Variants in COL6A5 observed in about 807,000 individuals in gnomAD.
COL6A5 encodes the protein collagen alpha-5(VI) chain.
COL6A5 carries 48 observed loss-of-function variants against 65.6 expected under a neutral mutation model. The observed-to-expected ratio is 0.73, with a 90% CI of 0.58 to 0.93. The LOEUF (loss-of-function observed/expected upper bound fraction) is 0.93. COL6A5 is among the 40% of genes least tolerant of loss of function. The pLI is 0.00. For synonymous variants in COL6A5, 291 were observed against 322.8 expected, an observed-to-expected ratio of 0.90 and a Z score of 1.05; for missense variants, 914 against 928.3, an observed-to-expected ratio of 0.98 and a Z score of 0.20.
At chr3:130,452,202 C>T (rs540780723) in intron 4 of COL6A5, among the ~76,000 whole-genome samples, 21 of 152,230 alleles carry the variant, frequency 1.4e-4, no homozygotes, top group East Asian at 1.9e-4. Context: ...GAGTCGAACA[C>T]GTGTTTCTGT....
intron 1 of COL6A5, among the ~76,000 whole-genome samples, chr3:130,361,662 A>C (rs888537366): frequency 6.6e-6 from 1 of 152,078 alleles, no homozygotes. Flanking sequence ...TGTCTTCCAA[A>C]GTGGCTGTGC....
At chr3:130,355,684 TGAATG>T (rs1934898392) in intron 1 of COL6A5, among the ~76,000 whole-genome samples, 1 of 150,762 alleles carries the variant, frequency 6.6e-6, no homozygotes. Flanking sequence ...AAATAGAAAA[TGAATG>T]GAAACGTGAT....
At chr3:130,391,359 T>A (rs1577459676) in exon 7 of COL6A5, 3 of 1,551,702 alleles carry the variant, frequency 1.9e-6, no homozygotes, top group Non-Finnish European at 1.7e-6. Flanking sequence ...AACATCCTTT[T>A]CTACCTTAAT....
intron 1 of COL6A5, 120 bp downstream of exon 33, chr3:130,432,069 G>C (rs1937841796): frequency 2.0e-6 from 2 of 994,084 alleles, no homozygotes; most frequent in Non-Finnish European, 1.4e-6. Context: ...CTCCTTTACA[G>C]TTTTCACAGC....
chr3:130,449,166 A>G lies in COL6A5; in HGVS notation c.1332+5600A>G, dbSNP rs78668140. Reference sequence around the variant, plus strand: ...CAGCCACTGCTAAATCCAAATGGGTATGTCGGATTTCCATTGTAAAGGGAT... The same window carrying G: ...CAGCCACTGCTAAATCCAAATGGGTGTGTCGGATTTCCATTGTAAAGGGAT... On this transcript the variant is annotated intron_variant, in intron 4 of 7. Transcript: ENST00000512836. Among the ~76,000 whole-genome samples the G allele has an allele frequency of 4.7e-3, 711 of 152,302 alleles. 28 individuals are homozygous for G. The East Asian group carries it at 0.087, about 19-fold the overall frequency.
At position 130,439,457 on chromosome 3, in the gene COL6A5, A is replaced by C. The variant is rs921363787; in HGVS notation, c.488-65A>C. The C allele has an allele frequency of 1.7e-5, 20 of 1,188,030 alleles. No individual in the cohort carries two copies. The Admixed American group carries it at 2.4e-4, about 14-fold the overall frequency. The allele number at this position is 1,188,030 out of a possible 1,614,324, so 73.6% of individuals were successfully genotyped here. A position where few individuals can be genotyped will look rare whatever the true frequency, so the allele number is the denominator to read the frequency against. ...TGGGTGTTTTTTAAACTAATCCTTA[A>C]AGTGGTTTCCTACTAGTGACTAAAA... is the stretch of plus-strand genomic sequence containing the variant. On this transcript the variant is annotated intron_variant, in intron 1 of 7. Coordinates refer to ENST00000512836, the Ensembl canonical transcript of COL6A5.
intron 1 of COL6A5, among the ~76,000 whole-genome samples, chr3:130,360,604 G>T (rs1204093982): frequency 6.6e-6 from 1 of 152,100 alleles, no homozygotes; most frequent in Non-Finnish European, 1.5e-5. Flanking sequence ...GGTGAAGATT[G>T]TTACTGACAT....
chr3:130,399,611 T>C (rs577542840), intron 10 of COL6A5, among the ~76,000 whole-genome samples: 7 of 151,928 alleles, frequency 4.6e-5, no homozygotes, highest in Admixed American at 3.3e-4. Context: ...GACCTCATGA[T>C]CCGCCCACCT....
chr3:130,449,767 T>C (rs879699373), intron 4 of COL6A5, among the ~76,000 whole-genome samples: 3 of 152,024 alleles, frequency 2.0e-5, no homozygotes, highest in Admixed American at 2.0e-4. Context: ...CGGTATTAGG[T>C]AGTAAAAGCA....
intron 17 of COL6A5, among the ~76,000 whole-genome samples, chr3:130,408,831 C>T (rs62284292): frequency 0.033 from 5,032 of 152,212 alleles, 123 homozygotes; most frequent in Non-Finnish European, 0.053. Flanking sequence ...CTGGTTCCCC[C>T]GATAGAACAT....
intron 6 of COL6A5, among the ~76,000 whole-genome samples, chr3:130,390,518 G>A (rs1212382158): frequency 6.6e-6 from 1 of 152,148 alleles, no homozygotes; most frequent in African/African-American, 2.4e-5. Flanking sequence ...TGGAAAGCCA[G>A]CCAAAACAGT....
chr3:130,478,779 C>T (rs1048460402), intron 7 of COL6A5, among the ~76,000 whole-genome samples: 1 of 152,008 alleles, frequency 6.6e-6, no homozygotes, highest in African/African-American at 2.4e-5. Flanking sequence ...CCAAGTAAGG[C>T]TTCAAATCTT....
At chr3:130,379,128 A>T (rs1463081448) in intron 3 of COL6A5, among the ~76,000 whole-genome samples, 1 of 151,954 alleles carries the variant, frequency 6.6e-6, no homozygotes, top group East Asian at 1.9e-4. Flanking sequence ...TGATCATACA[A>T]GTGGTGATGG....
chr3:130,439,604 C>T, exon 2 of COL6A5: 2 of 1,550,486 alleles, frequency 1.3e-6, no homozygotes, highest in Non-Finnish European at 1.7e-6. Flanking sequence ...CGGCGCTGTG[C>T]ACTTTGCTAT....
At chr3:130,480,177 A>G (rs1054923875) in intron 7 of COL6A5, among the ~76,000 whole-genome samples, 10 of 152,064 alleles carry the variant, frequency 6.6e-5, no homozygotes, top group African/African-American at 1.9e-4. Flanking sequence ...AGTAATATGT[A>G]AAAATAACAG....
At position 130,389,047 on chromosome 3, in the gene COL6A5, G is replaced by A. The variant is rs1331926144; in HGVS notation, c.2329G>A (p.Asp777Asn). 5 of 1,500,068 alleles carry A rather than the reference G, an allele frequency of 3.3e-6. No homozygotes were observed. In the South Asian group the frequency reaches 6.6e-5, roughly 20 times the overall value. The allele number at this position is 1,500,068 out of a possible 1,614,324, so 92.9% of individuals were successfully genotyped here. The change falls in exon 6 of 42, where the codon GAT becomes AAT. Residue 777 changes from aspartate (D) to asparagine (N), a missense_variant and NMD_transcript_variant. Physicochemically the swap from Asp to Asn is conservative, Grantham distance 23. Coordinates refer to the COL6A5 transcript ENST00000312481. ...ATCTCAGCTAGAAGAGATCAGTGGG[G>A]ATAGCAGCCTAGTTTTTCATGTTGA...
At chr3:130,411,195 A>G (rs1036705322) in intron 20 of COL6A5, among the ~76,000 whole-genome samples, 1 of 152,178 alleles carries the variant, frequency 6.6e-6, no homozygotes, top group African/African-American at 2.4e-5. Flanking sequence ...ATCTTTTTAA[A>G]AGGAGCAACC....
At chr3:130,401,939 C>A (rs914633475) in intron 12 of COL6A5, 85 bp downstream of exon 12, 1 of 962,300 alleles carries the variant, frequency 1.0e-6, no homozygotes, top group Non-Finnish European at 1.6e-6. Context: ...GAATTTACAG[C>A]CTTCACTCTA....
intron 7 of COL6A5, among the ~76,000 whole-genome samples, chr3:130,475,871 G>A (rs950736534): frequency 6.6e-6 from 1 of 152,194 alleles, no homozygotes; most frequent in Non-Finnish European, 1.5e-5. Context: ...CCTTGTGTGG[G>A]AGACAGGAAT....
Sources: gnomAD v4.1 joint callset for allele counts (sites outside exome capture counted in the v4.1 genomes callset) on GRCh38, gnomAD v4.1.1 for gene constraint, MANE v1.5 for transcripts, NCBI Gene and HGNC (gene_info 2026-07-23, HGNC 2026-07-21) for gene names.